The following PILRB variants were observed in gnomAD, a reference collection of about 807,000 sequenced individuals.
The protein encoded by PILRB is paired immunoglobin like type 2 receptor beta, also known as paired immunoglobulin-like type 2 receptor beta.
In PILRB, 21 loss-of-function variants were observed where a neutral mutation model predicts 20.5. The observed-to-expected ratio is 1.02, with a 90% CI of 0.72 to 1.47. PILRB has a LOEUF of 1.47. Among genes scored for constraint, PILRB ranks in the 40% most tolerant of loss-of-function variants. The pLI, the probability that PILRB is intolerant of heterozygous loss-of-function variation, is 0.00. For missense variants in PILRB, 253 were observed against 272.1 expected, an observed-to-expected ratio of 0.93 and a Z score of 0.49; for synonymous variants, 133 against 115.1, an observed-to-expected ratio of 1.16 and a Z score of -0.99.
At position 100,359,460 on chromosome 7, in the gene PILRB, C is replaced by T. The variant is rs780308996; in HGVS notation, c.578C>T (p.Ala193Val). Reference sequence around the variant, plus strand: ...AGTCTGGACACTGCCATCAGGGTTGCATTGGCTGTCGCTGTGCTCAAAACT... The same window carrying T: ...AGTCTGGACACTGCCATCAGGGTTGTATTGGCTGTCGCTGTGCTCAAAACT... The part of the protein sequence containing the change: ...HLSLDTAIRV[A>V]LAVAVLKTVI... Residue 193 changes from alanine (A) to valine (V), a missense_variant, in exon 3 of 4, where the codon GCA (alanine) becomes GTA (valine). Ala to Val is a moderately conservative substitution (Grantham distance 64). Coordinates refer to ENST00000609309, the MANE Select transcript of PILRB (RefSeq NM_178238.4). 47 of 1,614,052 alleles carry T rather than the reference C, an allele frequency of 2.9e-5. No individual in the cohort carries two copies. The highest frequency in any genetic ancestry group is 4.0e-5 in the Non-Finnish European group (47 of 1,180,014).
In PILRB at chr7:100,358,813, T is replaced by C. The variant is rs11771799; in HGVS notation, c.188T>C (p.Ile63Thr). The C allele has an allele frequency of 0.12, 164,228 of 1,399,368 alleles. 23,390 individuals are homozygous for C. The highest frequency in any genetic ancestry group is 0.14 in the Middle Eastern group (731 of 5,088). The allele number at this position is 1,399,368 out of a possible 1,614,324, so 86.7% of individuals were successfully genotyped here. A position where few individuals can be genotyped will look rare whatever the true frequency, so the allele number is the denominator to read the frequency against. Residue 63 changes from isoleucine (I) to threonine (T), a missense_variant, in exon 2 of 4, where the codon ATA becomes ACA. Coordinates refer to ENST00000609309, the MANE Select transcript of PILRB (RefSeq NM_178238.4). The part of the protein sequence containing the change: ...FSFYYPWELA[I>T]VPNVRISWRR... ...TTCTATTACCCCTGGGAGTTAGCCA[T>C]AGTTCCCAACGTGAGAATATCCTGG...
intron 1 of PILRB, 43 bp from the exon 2 acceptor site, chr7:100,358,647 T>C: frequency 1.9e-6 from 3 of 1,597,806 alleles, no homozygotes; most frequent in Non-Finnish European, 2.6e-6. Flanking sequence ...TGTCCTGAGG[T>C]GGTTTCAAGG....
At chr7:100,367,241 T>C in intron 3 of PILRB, 108 bp from the exon 4 acceptor site, 5 of 794,880 alleles carry the variant, frequency 6.3e-6, no homozygotes, top group Non-Finnish European at 1.2e-5. Context: ...CCACAAATTC[T>C]CCTGAGTTTT....
intron 3 of PILRB, among the ~76,000 whole-genome samples, chr7:100,361,734 C>A (rs1280199650): frequency 6.6e-6 from 1 of 151,976 alleles, no homozygotes; most frequent in Non-Finnish European, 1.5e-5. Context: ...GGAGATTCGC[C>A]CTATCAGCTA....
At chr7:100,360,410 G>A (rs183714668) in intron 3 of PILRB, among the ~76,000 whole-genome samples, 21 of 152,198 alleles carry the variant, frequency 1.4e-4, no homozygotes, top group African/African-American at 4.3e-4. Context: ...CACAGGAGGT[G>A]GCATCTGCAG....
At position 100,358,926 on chromosome 7, in the gene PILRB, T is replaced by C. The variant is rs755420876; in HGVS notation, c.301T>C (p.Trp101Arg). ...TTATGTGAACCGGCTCTTTCTGAAC[T>C]GGACAGAGGGTCAGGAGAGCGGCTT... ...KDYVNRLFLN[W>R]TEGQESGFLR... is the part of the protein sequence containing the mutation. Residue 101 changes from tryptophan to arginine, a missense_variant, in exon 2 of 4, where the codon TGG becomes CGG. Coordinates refer to ENST00000609309, the MANE Select transcript of PILRB (RefSeq NM_178238.4). 4 of 1,614,154 alleles carry C rather than the reference T, an allele frequency of 2.5e-6. No homozygotes were observed. In the Admixed American group the frequency reaches 5.0e-5, roughly 20 times the overall value.
intron 3 of PILRB, among the ~76,000 whole-genome samples, chr7:100,360,148 C>T (rs1021747340): frequency 6.6e-6 from 1 of 152,188 alleles, no homozygotes; most frequent in African/African-American, 2.4e-5. Flanking sequence ...GAGGGCCTGC[C>T]CTGGGAAAAG....
At chr7:100,358,665 C>T (rs1181476022) in intron 1 of PILRB, 25 bp from the exon 2 acceptor site, 2 of 1,609,564 alleles carry the variant, frequency 1.2e-6, no homozygotes, top group Admixed American at 3.3e-5. Context: ...AGGTCTCTCC[C>T]CCACTCACTC....
intron 3 of PILRB, among the ~76,000 whole-genome samples, chr7:100,359,939 C>T (rs1023554454): frequency 7.2e-5 from 11 of 152,244 alleles, no homozygotes; most frequent in African/African-American, 2.7e-4. Flanking sequence ...AGGAGAATCG[C>T]TTGAACCCGG....
intron 3 of PILRB, among the ~76,000 whole-genome samples, chr7:100,365,504 A>G (rs781317225): frequency 1.3e-5 from 2 of 152,206 alleles, no homozygotes; most frequent in Non-Finnish European, 2.9e-5. Context: ...ATGGAGAGTT[A>G]ATATTTAAAG....
At chr7:100,360,560 A>G (rs1297343055) in intron 3 of PILRB, among the ~76,000 whole-genome samples, 3 of 152,118 alleles carry the variant, frequency 2.0e-5, no homozygotes, top group South Asian at 2.1e-4. Flanking sequence ...AGAGGAGAGA[A>G]GAGGAGATGA....
chr7:100,361,777 G>T lies in PILRB; in HGVS notation c.655+2240G>T, dbSNP rs556418695. 1.7e-3 allele frequency among the ~76,000 whole-genome samples: 260 copies of T among 152,216 alleles called. 2 individuals carry two copies. Among genetic ancestry groups the T allele is most frequent in the Non-Finnish European group, 3.3e-3 (226 of 68,024 alleles). On this transcript the variant is annotated intron_variant, in intron 3 of 3. Coordinates refer to ENST00000609309, the MANE Select transcript of PILRB (RefSeq NM_178238.4). ...ACAGAGGGGAGGAACATGGAGTAGG[G>T]GCTGCCTGCAGTCAGATCCTGCCCT...
chr7:100,366,736 T>G (rs1465210119), intron 3 of PILRB, among the ~76,000 whole-genome samples: 5 of 139,248 alleles, frequency 3.6e-5, no homozygotes, highest in African/African-American at 1.1e-4. Flanking sequence ...GAGGTGGGGG[T>G]GCCTATGTCA....
At chr7:100,363,721 A>G (rs746435664) in intron 3 of PILRB, among the ~76,000 whole-genome samples, 2 of 152,222 alleles carry the variant, frequency 1.3e-5, no homozygotes, top group Non-Finnish European at 2.9e-5. Flanking sequence ...ACAAACCAAA[A>G]TAATCTTTAG....
At chr7:100,361,631 T>A (rs1000629134) in intron 3 of PILRB, among the ~76,000 whole-genome samples, 33 of 152,198 alleles carry the variant, frequency 2.2e-4, no homozygotes, top group Admixed American at 2.1e-3. Flanking sequence ...AGGTGGAGGC[T>A]GCAGTGAGCC....
chr7:100,359,304 GA>G, intron 2 of PILRB, 32 bp from the exon 3 acceptor site: 2 of 1,609,734 alleles, frequency 1.2e-6, no homozygotes, highest in South Asian at 2.2e-5. Context: ...CACACCCCCA[GA>G]AGAGGGTCTG....
chr7:100,359,506 C>T lies in PILRB; in HGVS notation c.624C>T (p.Cys208=), dbSNP rs62640024. The T allele has an allele frequency of 1.0e-3, 1,154 of 1,101,884 alleles. 9 individuals are homozygous for T. In the African/African-American group the frequency reaches 0.018, roughly 17 times the overall value. The allele number at this position is 1,101,884 out of a possible 1,614,324, so 68.3% of individuals were successfully genotyped here. A position where few individuals can be genotyped will look rare whatever the true frequency, so the allele number is the denominator to read the frequency against. Residue 208 remains cysteine, a synonymous_variant, in exon 3 of 4, where the codon TGC becomes TGT. Transcript: ENST00000609309. ...VLKTVILGLL[C]LLLLWWRRRK... The stretch of plus-strand genomic sequence containing the variant: ...AAACTGTCATTTTGGGACTGCTGTG[C>T]CTCCTCCTCCTGTGGTGGAGGAGAA...
intron 3 of PILRB, among the ~76,000 whole-genome samples, chr7:100,365,639 C>G (rs912281987): frequency 6.6e-6 from 1 of 151,978 alleles, no homozygotes; most frequent in Admixed American, 6.6e-5. Context: ...GCCAACATGG[C>G]GAAACCCTGT....
intron 3 of PILRB, 142 bp from the exon 4 acceptor site, chr7:100,367,207 T>C (rs1790719124): frequency 1.2e-6 from 1 of 868,434 alleles, no homozygotes; most frequent in Non-Finnish European, 2.0e-6. Flanking sequence ...ACTGTGCTGC[T>C]AAGAACCCCA....
Sources: gnomAD v4.1 joint callset for allele counts (sites outside exome capture counted in the v4.1 genomes callset) on GRCh38, gnomAD v4.1.1 for gene constraint, MANE v1.5 for transcripts, NCBI Gene and HGNC (gene_info 2026-07-23, HGNC 2026-07-21) for gene names.